Variants in GPR89B observed in about 807,000 individuals in gnomAD.
The protein encoded by GPR89B is golgi pH regulator B.
A neutral mutation model predicts 52.4 loss-of-function variants in GPR89B; 25 were observed. The ratio of observed to expected loss-of-function variants is 0.48; its 90% CI spans 0.35 to 0.67. The LOEUF is 0.67. GPR89B is among the 30% of genes least tolerant of loss of function. The pLI is 0.01. For synonymous variants in GPR89B, 52 were observed against 151.2 expected (o/e 0.34, Z 4.81); for missense variants, 146 against 450.2 (o/e 0.32, Z 6.11).
At chr1:147,997,054 G>C (rs1250320931), downstream of GPR89B, among the ~76,000 whole-genome samples, 2 of 152,220 alleles carry the variant, frequency 1.3e-5, no homozygotes, top group Non-Finnish European at 2.9e-5. Context: ...TTGAGTTCAT[G>C]ATAGTGAGCA....
intron 10 of GPR89B, among the ~76,000 whole-genome samples, chr1:147,981,810 G>A (rs1489169087): frequency 6.6e-6 from 1 of 151,018 alleles, no homozygotes; most frequent in Non-Finnish European, 1.5e-5. Context: ...GTACCACCAT[G>A]CCTGGCTGAT....
At chr1:148,018,960 C>A in the GPR89B span, among the ~76,000 whole-genome samples, 1 of 151,106 alleles carries the variant, frequency 6.6e-6, no homozygotes, top group Non-Finnish European at 1.5e-5. Context: ...GCCACTGCAC[C>A]CAGCCTATTA....
At position 147,993,060 on chromosome 1, in the gene GPR89B, C is replaced by G. The variant is rs1409094690; in HGVS notation, c.*143C>G. On this transcript the variant is annotated 3_prime_UTR_variant, in exon 14 of 14. Coordinates refer to ENST00000314163, the MANE Select transcript of GPR89B (RefSeq NM_016334.5). ...TTTTCACCTTCATAGCATACTCCTT[C>G]CCCCTCAGGTGATACTATGACCATG... is the stretch of plus-strand genomic sequence containing the variant. The G allele has an allele frequency of 1.9e-6, 3 of 1,587,412 alleles. No individual in the cohort carries two copies. Among genetic ancestry groups the G allele is most frequent in the South Asian group, 2.3e-5 (2 of 86,766 alleles).
chr1:147,994,219 A>C, downstream of GPR89B: 1 of 1,600,064 alleles, frequency 6.2e-7, no homozygotes, highest in Non-Finnish European at 8.5e-7. Context: ...AACAGGTCGC[A>C]ACTCATTCTT....
At chr1:148,009,102 G>T in the GPR89B span, among the ~76,000 whole-genome samples, 2 of 152,156 alleles carry the variant, frequency 1.3e-5, no homozygotes, top group Non-Finnish European at 2.9e-5. Flanking sequence ...TCAGGGACAG[G>T]AGTACCCAGT....
intron 7 of GPR89B, among the ~76,000 whole-genome samples, chr1:147,959,145 T>C (rs1656350104): frequency 1.3e-5 from 2 of 152,252 alleles, no homozygotes; most frequent in South Asian, 2.1e-4. Flanking sequence ...AAAAGTAACA[T>C]TTGTTATGTA....
chr1:148,008,178 T>A, the GPR89B span, among the ~76,000 whole-genome samples: 1 of 152,256 alleles, frequency 6.6e-6, no homozygotes, highest in South Asian at 2.1e-4. Context: ...ACTTAAACTC[T>A]GCTTCCTTAA....
chr1:147,951,070 A>G (rs1655650017), intron 5 of GPR89B, among the ~76,000 whole-genome samples: 1 of 151,938 alleles, frequency 6.6e-6, no homozygotes, highest in Non-Finnish European at 1.5e-5. Context: ...GAATTTTGCA[A>G]CCAGGGGAAA....
chr1:147,981,749 T>C (rs1290146893), intron 10 of GPR89B, among the ~76,000 whole-genome samples: 1 of 151,494 alleles, frequency 6.6e-6, no homozygotes, highest in African/African-American at 2.4e-5. Flanking sequence ...GCCTCCTGGG[T>C]TCAAGCGATT....
the GPR89B span, chr1:148,025,916 CT>C: frequency 7.0e-6 from 1 of 143,240 alleles, no homozygotes; most frequent in African/African-American, 2.7e-5. Context: ...AAATAAAAGT[CT>C]GCTGTTAAAC....
chr1:148,013,619 T>A, the GPR89B span, among the ~76,000 whole-genome samples: 2 of 151,968 alleles, frequency 1.3e-5, no homozygotes, highest in African/African-American at 4.8e-5. Context: ...GATGCCCATG[T>A]GGCCAGCTCC....
the GPR89B span, among the ~76,000 whole-genome samples, chr1:148,022,152 C>A: frequency 6.6e-6 from 1 of 151,798 alleles, no homozygotes; most frequent in Admixed American, 6.6e-5. Context: ...GGAGGTTTAC[C>A]ATTTTTTACA....
At chr1:148,021,374 C>T in the GPR89B span, among the ~76,000 whole-genome samples, 1 of 151,908 alleles carries the variant, frequency 6.6e-6, no homozygotes, top group Non-Finnish European at 1.5e-5. Context: ...TGGTGGCTGG[C>T]ACCTGTAATC....
chr1:147,969,243 C>A, intron 9 of GPR89B: 1 of 424,578 alleles, frequency 2.4e-6, no homozygotes. Context: ...CTCCTACTAA[C>A]CTGGGATAAA....
intron 3 of GPR89B, 134 bp from the exon 4 acceptor site, chr1:147,943,304 G>C: frequency 7.4e-7 from 1 of 1,343,066 alleles, no homozygotes. Flanking sequence ...TAGATTTTAA[G>C]AGCCTAGTAG....
rs1284967495 is a variant in GPR89B, at chr1:147,949,820, G to A, written c.416-3525G>A. On this transcript the variant is annotated intron_variant, in intron 5 of 13. Coordinates refer to ENST00000314163, the MANE Select transcript of GPR89B (RefSeq NM_016334.5). ...GGGCTGACCCCCCGACCTCCCTCCCGGACGGGGCAGCTTGCCGGGCAGAGG... is the reference window on the plus strand; with the variant it reads ...GGGCTGACCCCCCGACCTCCCTCCCAGACGGGGCAGCTTGCCGGGCAGAGG... Among the ~76,000 whole-genome samples the A allele has an allele frequency of 4.9e-5, 7 of 143,960 alleles. No individual in the cohort carries two copies. The East Asian group carries it at 1.3e-3, about 26-fold the overall frequency. The allele number at this position is 143,960 out of a possible 152,430, so 94.4% of individuals were successfully genotyped here. A position where few individuals can be genotyped will look rare whatever the true frequency, so the allele number is the denominator to read the frequency against.
intron 8 of GPR89B, chr1:147,968,597 CA>C (rs1166613457): frequency 3.7e-6 from 2 of 535,754 alleles, no homozygotes; most frequent in South Asian, 2.1e-5. Context: ...CTAGATAAAT[CA>C]AAAAACAAAT....
At chr1:147,961,938 G>C (rs1288397663) in intron 7 of GPR89B, among the ~76,000 whole-genome samples, 4 of 151,796 alleles carry the variant, frequency 2.6e-5, no homozygotes. Flanking sequence ...AGATTTATTT[G>C]TAGATATACA....
intron 5 of GPR89B, among the ~76,000 whole-genome samples, chr1:147,944,847 C>T (rs1654826408): frequency 6.7e-6 from 1 of 149,754 alleles, no homozygotes; most frequent in South Asian, 2.1e-4. Flanking sequence ...ATTAGAGAGC[C>T]CATCTGTAAT....
Sources: allele counts gnomAD v4.1 joint callset (sites outside exome capture counted in the v4.1 genomes callset), GRCh38; gene constraint gnomAD v4.1.1; transcripts MANE v1.5; gene names NCBI Gene and HGNC (gene_info 2026-07-23, HGNC 2026-07-21).